CCSER1: variants seen among roughly 807,000 people sequenced by gnomAD.
The protein encoded by CCSER1 is coiled-coil serine rich protein 1, also known as serine-rich coiled-coil domain-containing protein 1.
In CCSER1, 41 loss-of-function variants were observed where a neutral mutation model predicts 82.0. The ratio of observed to expected loss-of-function variants is 0.50; its 90% CI spans 0.39 to 0.65. The LOEUF (loss-of-function observed/expected upper bound fraction) is 0.65. Ranked by LOEUF, CCSER1 falls within the 30% of genes least tolerant of loss-of-function variation. The pLI is 0.00. For synonymous variants in CCSER1, 414 were observed against 383.9 expected (o/e 1.08, Z -0.92); for missense variants, 1,119 against 1,064.2 (o/e 1.05, Z -0.72).
At chr4:90,292,537 A>G (rs1274305009) in intron 1 of CCSER1, among the ~76,000 whole-genome samples, 1 of 151,948 alleles carries the variant, frequency 6.6e-6, no homozygotes, top group African/African-American at 2.4e-5. Context: ...TAAAAAAGCC[A>G]AACCCAAGAT....
intron 5 of CCSER1, among the ~76,000 whole-genome samples, chr4:90,593,591 A>T (rs993900948): frequency 1.3e-5 from 2 of 152,090 alleles, no homozygotes; most frequent in African/African-American, 4.8e-5. Flanking sequence ...GGAAGTCCTT[A>T]GGTTTCCAGC....
chr4:90,688,832 C>G (rs998713374), intron 6 of CCSER1, among the ~76,000 whole-genome samples: 44 of 152,208 alleles, frequency 2.9e-4, no homozygotes, highest in Middle Eastern at 3.4e-3. Flanking sequence ...ATCAATGGTG[C>G]TTTCAGATTC....
intron 9 of CCSER1, among the ~76,000 whole-genome samples, chr4:90,932,363 T>C (rs970346356): frequency 2.6e-5 from 4 of 152,174 alleles, no homozygotes; most frequent in South Asian, 2.1e-4. Context: ...AGGACATTTA[T>C]TTAAAGTGTG....
At chr4:90,914,431 GT>G (rs1227204926) in intron 8 of CCSER1, among the ~76,000 whole-genome samples, 1 of 152,148 alleles carries the variant, frequency 6.6e-6, no homozygotes, top group African/African-American at 2.4e-5. Context: ...AAATAAAGAT[GT>G]TTTTTGAAAC....
At chr4:91,167,166 C>G (rs1015207310) in intron 10 of CCSER1, among the ~76,000 whole-genome samples, 2 of 147,520 alleles carry the variant, frequency 1.4e-5, no homozygotes, top group Admixed American at 6.8e-5. Context: ...AAATTAAATA[C>G]ATGACAAGAA....
At chr4:91,587,661 T>G (rs1181638535) in intron 10 of CCSER1, among the ~76,000 whole-genome samples, 1 of 151,772 alleles carries the variant, frequency 6.6e-6, no homozygotes, top group African/African-American at 2.4e-5. Flanking sequence ...ATGGCTGGCA[T>G]GTACAATTAA....
chr4:90,408,057 C>A (rs796820939), intron 4 of CCSER1, among the ~76,000 whole-genome samples: 1 of 152,198 alleles, frequency 6.6e-6, no homozygotes, highest in Non-Finnish European at 1.5e-5. Context: ...AGTCTAAGAT[C>A]AAACTGCAAG....
chr4:91,437,411 A>T (rs965641273), intron 10 of CCSER1, among the ~76,000 whole-genome samples: 19 of 152,226 alleles, frequency 1.2e-4, no homozygotes, highest in African/African-American at 4.6e-4. Context: ...CAGCTACGTA[A>T]TTATAGATCA....
intron 10 of CCSER1, among the ~76,000 whole-genome samples, chr4:91,100,150 C>T (rs1724910983): frequency 6.6e-6 from 1 of 151,652 alleles, no homozygotes. Flanking sequence ...ATTTGTAGGG[C>T]ATGACTCCCC....
intron 9 of CCSER1, among the ~76,000 whole-genome samples, chr4:91,059,359 GTA>G (rs1472947240): frequency 3.1e-4 from 26 of 83,342 alleles, no homozygotes; most frequent in African/African-American, 5.0e-4. Flanking sequence ...ATACACGTGT[GTA>G]TGTGTGTGTG....
intron 7 of CCSER1, among the ~76,000 whole-genome samples, chr4:90,797,032 G>C (rs904325994): frequency 1.3e-5 from 2 of 152,078 alleles, no homozygotes; most frequent in Non-Finnish European, 2.9e-5. Flanking sequence ...TTCGTGTCTT[G>C]AAGATCTTTG....
intron 9 of CCSER1, among the ~76,000 whole-genome samples, chr4:91,081,791 T>C (rs1722786510): frequency 6.6e-6 from 1 of 151,982 alleles, no homozygotes; most frequent in Non-Finnish European, 1.5e-5. Context: ...AGTGCCAAAT[T>C]ATGAGTGAAC....
chr4:91,442,691 C>A (rs537148850), intron 10 of CCSER1, among the ~76,000 whole-genome samples: 2 of 134,340 alleles, frequency 1.5e-5, no homozygotes, highest in Non-Finnish European at 3.2e-5. Flanking sequence ...AGGCAACCTA[C>A]AAAATGGGAG....
chr4:91,460,933 A>T (rs372107607), intron 10 of CCSER1, among the ~76,000 whole-genome samples: 1 of 152,136 alleles, frequency 6.6e-6, no homozygotes, highest in African/African-American at 2.4e-5. Context: ...TGGAATGAAA[A>T]TCCCCTCAAA....
At chr4:91,104,496 G>A (rs918263130) in intron 10 of CCSER1, among the ~76,000 whole-genome samples, 3 of 151,244 alleles carry the variant, frequency 2.0e-5, no homozygotes, top group Admixed American at 6.7e-5. Context: ...AAAATAGACA[G>A]AACCTATGTT....
intron 10 of CCSER1, among the ~76,000 whole-genome samples, chr4:91,348,105 T>TG (rs1167639353): frequency 6.6e-6 from 1 of 152,146 alleles, no homozygotes; most frequent in Non-Finnish European, 1.5e-5. Flanking sequence ...TGATGTTAGC[T>TG]GTAAGTGTTT....
At chr4:90,189,932 C>T (rs1251568745) in intron 1 of CCSER1, among the ~76,000 whole-genome samples, 2 of 151,628 alleles carry the variant, frequency 1.3e-5, no homozygotes, top group African/African-American at 4.8e-5. Context: ...GTTTGGAGAC[C>T]CAGGATATTT....
chr4:90,170,376 C>T (rs554358796), intron 1 of CCSER1, among the ~76,000 whole-genome samples: 5 of 150,794 alleles, frequency 3.3e-5, no homozygotes, highest in Admixed American at 6.6e-5. Flanking sequence ...TTTTAATTCT[C>T]GAACACTTTA....
chr4:90,807,261 G>A (rs1757644801), intron 7 of CCSER1, among the ~76,000 whole-genome samples: 1 of 152,072 alleles, frequency 6.6e-6, no homozygotes, highest in Admixed American at 6.6e-5. Context: ...GCAATGTAGA[G>A]CAGGTAAAAC....
Sources: gnomAD v4.1 joint callset for allele counts (sites outside exome capture counted in the v4.1 genomes callset) on GRCh38, gnomAD v4.1.1 for gene constraint, MANE v1.5 for transcripts, NCBI Gene and HGNC (gene_info 2026-07-23, HGNC 2026-07-21) for gene names.